Variants in CEMIP observed in about 807,000 individuals in gnomAD.
CEMIP encodes the protein cell migration inducing hyaluronidase 1.
CEMIP carries 105 observed loss-of-function variants against 156.9 expected under a neutral mutation model. The ratio of observed to expected loss-of-function variants is 0.67; its 90% CI spans 0.57 to 0.79. The LOEUF is 0.79. Among genes scored for constraint, CEMIP ranks in the 30% least tolerant of loss-of-function variants. The pLI is 0.00. For missense variants in CEMIP, 1,457 were observed against 1,769.4 expected (o/e 0.82, Z 3.17); for synonymous variants, 676 against 668.4 (o/e 1.01, Z -0.17).
intron 7 of CEMIP, among the ~76,000 whole-genome samples, chr15:80,884,832 T>A (rs1898781743): frequency 6.6e-6 from 1 of 152,216 alleles, no homozygotes; most frequent in African/African-American, 2.4e-5. Context: ...GAGTGCAGCA[T>A]CATGCCTGAC....
intron 14 of CEMIP, among the ~76,000 whole-genome samples, chr15:80,917,803 C>T (rs1032514890): frequency 6.6e-6 from 1 of 152,122 alleles, no homozygotes; most frequent in Non-Finnish European, 1.5e-5. Context: ...CACTTGCTTT[C>T]TCTGAGTCTC....
intron 7 of CEMIP, among the ~76,000 whole-genome samples, chr15:80,885,415 C>T (rs1898801992): frequency 2.0e-5 from 3 of 152,206 alleles, no homozygotes; most frequent in Admixed American, 2.0e-4. Flanking sequence ...GAAACTTAAG[C>T]AGCCAAAGAT....
intron 18 of CEMIP, among the ~76,000 whole-genome samples, 157 bp from the exon 19 acceptor site, chr15:80,925,467 G>A (rs372805015): frequency 2.0e-5 from 3 of 152,198 alleles, no homozygotes; most frequent in African/African-American, 7.2e-5. Flanking sequence ...AACTCAGAAA[G>A]TTCATTCAAG....
chr15:80,881,675 C>G (rs775811484), intron 6 of CEMIP, among the ~76,000 whole-genome samples: 1 of 152,138 alleles, frequency 6.6e-6, no homozygotes, highest in South Asian at 2.1e-4. Context: ...GACAGGACCT[C>G]GGAGGCTGCG....
intron 1 of CEMIP, among the ~76,000 whole-genome samples, chr15:80,842,576 A>G (rs1897450189): frequency 2.0e-5 from 3 of 152,184 alleles, no homozygotes; most frequent in South Asian, 2.1e-4. Flanking sequence ...TACTAAAAAT[A>G]CAAAAATTAG....
chr15:80,863,616 T>C (rs1898040096), intron 1 of CEMIP, among the ~76,000 whole-genome samples: 1 of 152,206 alleles, frequency 6.6e-6, no homozygotes, highest in Non-Finnish European at 1.5e-5. Flanking sequence ...TATTTTGTAA[T>C]TAAAACAAAT....
At chr15:80,842,094 G>A (rs777807091) in intron 1 of CEMIP, 70 of 529,658 alleles carry the variant, frequency 1.3e-4, no homozygotes, top group Middle Eastern at 5.2e-4. Flanking sequence ...GTGATGCCAG[G>A]TTCTCAACAG....
At chr15:80,919,462 T>A (rs1255248085) in intron 14 of CEMIP, among the ~76,000 whole-genome samples, 4 of 152,132 alleles carry the variant, frequency 2.6e-5, no homozygotes, top group African/African-American at 9.7e-5. Context: ...TTGCCCCCTT[T>A]CCTACCCTAT....
chr15:80,869,166 C>A lies in CEMIP; in HGVS notation c.-175-4372C>A, dbSNP rs546319355. 2.3e-4 allele frequency among the ~76,000 whole-genome samples: 35 copies of A among 152,284 alleles called. 1 individual carries two copies. In the South Asian group the frequency reaches 5.0e-3, roughly 22 times the overall value. On this transcript the variant is annotated intron_variant, in intron 1 of 29. Coordinates refer to ENST00000394685, the MANE Select transcript of CEMIP (RefSeq NM_001293298.2). ...CTTTGTGTCTGCATCTTAGTCTCCT[C>A]TTCTTATGAGGACACCAGTCATATT...
rs112742252 is a variant in CEMIP at position 80,887,639 on chromosome 15, G to A, written c.798-55G>A. On this transcript the variant is annotated intron_variant, in intron 7 of 29. Coordinates refer to ENST00000394685, the MANE Select transcript of CEMIP (RefSeq NM_001293298.2). Reference sequence around the variant, plus strand: ...TCTGCCCCATCCCCCCACACTCTGTGCAGGTACAGACTCGTGCAGAACTTT... The same window carrying A: ...TCTGCCCCATCCCCCCACACTCTGTACAGGTACAGACTCGTGCAGAACTTT... The A allele has an allele frequency of 3.8e-3, 5,174 of 1,367,514 alleles. 111 individuals are homozygous for A. In the African/African-American group the frequency reaches 0.055, roughly 14 times the overall value. The allele number at this position is 1,367,514 out of a possible 1,614,324, so 84.7% of individuals were successfully genotyped here. A position where few individuals can be genotyped will look rare whatever the true frequency, so the allele number is the denominator to read the frequency against.
chr15:80,876,188 A>C (rs1242260953), intron 3 of CEMIP, among the ~76,000 whole-genome samples: 2 of 152,108 alleles, frequency 1.3e-5, no homozygotes, highest in Non-Finnish European at 2.9e-5. Context: ...ACCACCTTGG[A>C]GCCTGACACT....
In CEMIP at chr15:80,909,133, A is replaced by G. The variant is rs1229858441; in HGVS notation, c.1624A>G (p.Thr542Ala). 6.2e-7 allele frequency: 1 copy of G among 1,614,024 alleles called. No homozygotes were observed. Among genetic ancestry groups the G allele is most frequent in the Non-Finnish European group, 8.5e-7 (1 of 1,180,038 alleles). Residue 542 changes from threonine to alanine, a missense_variant, in exon 14 of 30, where the codon ACG becomes GCG. By Grantham distance (58) the Thr-to-Ala change is moderately conservative. Transcript: ENST00000394685. ...LGFKAAHLEG[T>A]ELKHMGQQLV... is the part of the protein sequence containing the mutation. ...ATTTAAGGCAGCACACTTGGAGGGC[A>G]CGGAGCTGAAGCATATGGGACAGCA...
At chr15:80,875,447 C>T (rs998444144) in intron 3 of CEMIP, among the ~76,000 whole-genome samples, 1 of 152,086 alleles carries the variant, frequency 6.6e-6, no homozygotes, top group African/African-American at 2.4e-5. Context: ...ATTGACTCTG[C>T]CAGGAACTGG....
rs150867529 is a variant in CEMIP at position 80,849,981 on chromosome 15, G to A, written c.-175-23557G>A. On this transcript the variant is annotated intron_variant, in intron 1 of 29. Transcript: ENST00000394685. Reference sequence around the variant, plus strand: ...CTGCTAAGCCATCAAGAGTTTGTAAGCAGTGGTGGTGGGGAGAGGGCGGCA... The same window carrying A: ...CTGCTAAGCCATCAAGAGTTTGTAAACAGTGGTGGTGGGGAGAGGGCGGCA... 3.6e-3 allele frequency among the ~76,000 whole-genome samples: 555 copies of A among 152,336 alleles called. 2 individuals carry two copies. The highest frequency in any genetic ancestry group is 0.013 in the African/African-American group (525 of 41,572).
chr15:80,948,748 C>G (rs1034732473), intron 29 of CEMIP, 49 bp from the exon 30 acceptor site: 20 of 1,613,062 alleles, frequency 1.2e-5, no homozygotes, highest in Non-Finnish European at 1.4e-5. Context: ...GGTGGGGCAG[C>G]CGTCCTCTCA....
chr15:80,939,102 G>A (rs1049789743), intron 25 of CEMIP, among the ~76,000 whole-genome samples: 1 of 152,220 alleles, frequency 6.6e-6, no homozygotes, highest in Admixed American at 6.5e-5. Context: ...AGCTGGCAGG[G>A]GAAGAGGAAG....
intron 15 of CEMIP, 70 bp downstream of exon 15, chr15:80,920,369 G>T: frequency 1.5e-5 from 21 of 1,399,580 alleles, no homozygotes; most frequent in Non-Finnish European, 2.1e-5. Flanking sequence ...TGTTCACTCA[G>T]CTCAGCCCAG....
chr15:80,900,648 G>GTGTGTGTGTGTGTGTGTC (rs1567090991), intron 12 of CEMIP, among the ~76,000 whole-genome samples: 1 of 111,856 alleles, frequency 8.9e-6, no homozygotes, highest in African/African-American at 3.3e-5. Context: ...GTGTGTGTGT[G>GTGTGTGTGTGTGTGTGTC]TCTGTGTGTG....
At position 80,931,952 on chromosome 15, in the gene CEMIP, C is replaced by T; in HGVS notation, c.2706C>T (p.His902=). Reference sequence around the variant, plus strand: ...AGTTTGTGGCCCTGGAGGGCCGGCACACCAGCGCCCTGGCCTTCCGCCTGA... The same window carrying T: ...AGTTTGTGGCCCTGGAGGGCCGGCATACCAGCGCCCTGGCCTTCCGCCTGA... The part of the protein sequence containing the change: ...FRKFVALEGR[H]TSALAFRLNN... The change falls in exon 22 of 30, where the codon CAC becomes CAT. Residue 902 remains histidine (H), a synonymous_variant. Transcript: ENST00000394685. The T allele has an allele frequency of 3.1e-6, 5 of 1,614,238 alleles. No homozygotes were observed. Among genetic ancestry groups the T allele is most frequent in the Non-Finnish European group, 4.2e-6 (5 of 1,180,040 alleles).
Sources: allele counts gnomAD v4.1 joint callset (sites outside exome capture counted in the v4.1 genomes callset), GRCh38; gene constraint gnomAD v4.1.1; transcripts MANE v1.5; gene names NCBI Gene and HGNC (gene_info 2026-07-23, HGNC 2026-07-21).